The following DPYS variants were observed in gnomAD, a reference collection of about 807,000 sequenced individuals.
The protein encoded by DPYS is dihydropyrimidine amidohydrolase.
Under a neutral mutation model 50.3 loss-of-function variants are expected in DPYS, and 39 were observed. That is an observed-to-expected ratio of 0.78 (90% CI 0.60 to 1.01). The LOEUF (loss-of-function observed/expected upper bound fraction) is 1.01, where lower values mean the gene tolerates loss of function less well. Ranked by LOEUF, DPYS falls within the 50% of genes least tolerant of loss-of-function variation. The probability of loss-of-function intolerance (pLI) is 0.00; values close to 1 mark genes in which losing one functional copy is unlikely to be tolerated. For missense variants in DPYS, 659 were observed against 680.9 expected (o/e 0.97, Z 0.36); for synonymous variants, 245 against 250.7 (o/e 0.98, Z 0.22).
At chr8:104,426,966 G>A (rs1221884599) in intron 6 of DPYS, among the ~76,000 whole-genome samples, 1 of 152,104 alleles carries the variant, frequency 6.6e-6, no homozygotes, top group Admixed American at 6.5e-5. Context: ...TTCGGGAGGC[G>A]AAGGCGGGTG....
At chr8:104,412,164 C>T (rs1381908497) in intron 7 of DPYS, among the ~76,000 whole-genome samples, 1 of 152,184 alleles carries the variant, frequency 6.6e-6, no homozygotes, top group East Asian at 1.9e-4. Flanking sequence ...AGCCCCACTG[C>T]CAGCAGGATA....
At chr8:104,399,290 C>CAAA (rs11323938) in intron 7 of DPYS, among the ~76,000 whole-genome samples, 90 of 74,870 alleles carry the variant, frequency 1.2e-3, no homozygotes, top group African/African-American at 4.7e-3. Flanking sequence ...GACTCCATCT[C>CAAA]AAAAAAAAAA....
intron 7 of DPYS, among the ~76,000 whole-genome samples, chr8:104,405,658 T>G (rs1359995375): frequency 6.6e-6 from 1 of 152,260 alleles, no homozygotes; most frequent in Non-Finnish European, 1.5e-5. Flanking sequence ...TGTCTGCTTC[T>G]AGGAAGCACA....
At chr8:104,395,931 A>T (rs1811570536) in intron 7 of DPYS, among the ~76,000 whole-genome samples, 1 of 152,154 alleles carries the variant, frequency 6.6e-6, no homozygotes, top group Non-Finnish European at 1.5e-5. Context: ...AAGAAGCAGG[A>T]GGCGGGTACA....
At chr8:104,429,495 C>G (rs1812874204) in intron 5 of DPYS, 50 bp downstream of exon 5, 1 of 1,612,734 alleles carries the variant, frequency 6.2e-7, no homozygotes, top group Non-Finnish European at 8.5e-7. Flanking sequence ...TCCCTTCTAC[C>G]CAAACCTTCT....
At chr8:104,456,770 A>G (rs1190527716) in intron 1 of DPYS, among the ~76,000 whole-genome samples, 1 of 152,228 alleles carries the variant, frequency 6.6e-6, no homozygotes, top group African/African-American at 2.4e-5. Context: ...GCTCCTAATT[A>G]CTTTCACTGT....
intron 2 of DPYS, among the ~76,000 whole-genome samples, chr8:104,447,739 C>T (rs1813588353): frequency 6.6e-6 from 1 of 152,116 alleles, no homozygotes; most frequent in Non-Finnish European, 1.5e-5. Context: ...AAGTGAATAG[C>T]TTTTCCCAAA....
At chr8:104,452,613 G>A (rs528940839) in intron 1 of DPYS, among the ~76,000 whole-genome samples, 5 of 152,182 alleles carry the variant, frequency 3.3e-5, no homozygotes, top group African/African-American at 4.8e-5. Flanking sequence ...AGGCTGAGAC[G>A]GGAGGAGAGC....
chr8:104,422,153 T>A (rs1292490432), intron 7 of DPYS, among the ~76,000 whole-genome samples: 1 of 152,168 alleles, frequency 6.6e-6, no homozygotes, highest in Non-Finnish European at 1.5e-5. Flanking sequence ...GGTGTAGGAT[T>A]CAAAAGAAGA....
intron 1 of DPYS, among the ~76,000 whole-genome samples, chr8:104,460,056 T>A (rs751157541): frequency 7.9e-5 from 12 of 152,236 alleles, no homozygotes; most frequent in Non-Finnish European, 4.4e-5. Flanking sequence ...TTTTAATTTG[T>A]CTTTTCTTTT....
intron 8 of DPYS, 26 bp from the exon 9 acceptor site, chr8:104,381,340 C>A (rs944468517): frequency 6.3e-7 from 1 of 1,593,212 alleles, no homozygotes; most frequent in African/African-American, 1.3e-5. Context: ...TCATTTCTCT[C>A]TTGTGGTTTA....
rs138282507 is a variant in DPYS, at chr8:104,427,982, C to A, written c.1090G>T (p.Val364Leu). The change falls in exon 6 of 10, where the codon GTG becomes TTG. Residue 364 changes from valine (V) to leucine (L), a missense_variant and splice_region_variant. Physicochemically the swap from Val to Leu is conservative, Grantham distance 32. Transcript: ENST00000351513. ...AGGCTGGAACCTGTGAAACCCACCA[C>A]GCCTTTTTCCCATATTACGGACATC... ...DRMSVIWEKG[V>L]HSGKMDENRF... The A allele has an allele frequency of 6.2e-7, 1 of 1,614,096 alleles. No homozygotes were observed. The highest frequency in any genetic ancestry group is 8.5e-7 in the Non-Finnish European group (1 of 1,180,026).
intron 3 of DPYS, among the ~76,000 whole-genome samples, chr8:104,446,410 G>A (rs1203048975): frequency 1.3e-5 from 2 of 152,160 alleles, no homozygotes; most frequent in Non-Finnish European, 2.9e-5. Context: ...GTCATACTAT[G>A]TAATCAGTTT....
chr8:104,429,656 T>C lies in DPYS; in HGVS notation c.839A>G (p.Asp280Gly). Residue 280 changes from aspartate to glycine, a missense_variant, in exon 5 of 10, where the codon GAT (aspartate) becomes GGT (glycine). Asp to Gly is a moderately conservative substitution (Grantham distance 94). Coordinates refer to ENST00000351513, the MANE Select transcript of DPYS (RefSeq NM_001385.3). ...TTCTTTATTCCAGTAGTGAGTGCCA[T>C]CTGTGCCAAGACTGGCTGCTATGGG... ...GEPIAASLGT[D>G]GTHYWNKEWH... is the part of the protein sequence containing the mutation. 1 of 1,614,136 alleles carries C rather than the reference T, an allele frequency of 6.2e-7. No individual in the cohort carries two copies. The highest frequency in any genetic ancestry group is 8.5e-7 in the Non-Finnish European group (1 of 1,180,012).
chr8:104,435,713 C>T (rs924893449), intron 4 of DPYS, among the ~76,000 whole-genome samples: 14 of 152,066 alleles, frequency 9.2e-5, no homozygotes, highest in African/African-American at 3.1e-4. Context: ...CAAGCATGAG[C>T]AAAAAGAAAT....
At chr8:104,441,165 G>C (rs1813341703) in intron 4 of DPYS, among the ~76,000 whole-genome samples, 1 of 152,030 alleles carries the variant, frequency 6.6e-6, no homozygotes. Context: ...TGCGCATGAG[G>C]GTATTTTCAC....
intron 4 of DPYS, among the ~76,000 whole-genome samples, chr8:104,434,835 G>A (rs2669439): frequency 9.1e-4 from 139 of 152,238 alleles, no homozygotes; most frequent in Admixed American, 1.8e-3. Flanking sequence ...TTACCCTAAA[G>A]AAAGGAACAT....
At chr8:104,397,111 C>A (rs1258642113) in intron 7 of DPYS, among the ~76,000 whole-genome samples, 1 of 152,182 alleles carries the variant, frequency 6.6e-6, no homozygotes, top group Non-Finnish European at 1.5e-5. Context: ...ACTTCTGAAT[C>A]CTTGCACATG....
chr8:104,449,204 A>G, intron 2 of DPYS, among the ~76,000 whole-genome samples: 1 of 152,154 alleles, frequency 6.6e-6, no homozygotes, highest in South Asian at 2.1e-4. Flanking sequence ...ATTTTTTACA[A>G]TGAGTACATT....
Sources: allele counts gnomAD v4.1 joint callset (sites outside exome capture counted in the v4.1 genomes callset), GRCh38; gene constraint gnomAD v4.1.1; transcripts MANE v1.5; gene names NCBI Gene and HGNC (gene_info 2026-07-23, HGNC 2026-07-21).